Variants in SLC24A3 observed in about 807,000 individuals in gnomAD.
SLC24A3 encodes the protein solute carrier family 24 member 3, also known as sodium/potassium/calcium exchanger 3.
A neutral mutation model predicts 75.8 loss-of-function variants in SLC24A3; 28 were observed. The observed-to-expected ratio is 0.37, with a 90% CI of 0.27 to 0.51. SLC24A3 has a LOEUF of 0.51. SLC24A3 is among the 20% of genes least tolerant of loss of function. The pLI, the probability that SLC24A3 is intolerant of heterozygous loss-of-function variation, is 0.94. For synonymous variants in SLC24A3, 372 were observed against 334.1 expected (o/e 1.11, Z -1.24); for missense variants, 663 against 847.8 (o/e 0.78, Z 2.71).
intron 15 of SLC24A3, among the ~76,000 whole-genome samples, chr20:19,708,749 C>T (rs1005141614): frequency 4.6e-5 from 7 of 152,158 alleles, no homozygotes; most frequent in African/African-American, 1.2e-4. Context: ...TCTTAATGAA[C>T]GAGGCTTCTC....
chr20:19,497,178 GA>G (rs1304634683), intron 2 of SLC24A3, among the ~76,000 whole-genome samples: 1 of 152,244 alleles, frequency 6.6e-6, no homozygotes, highest in Non-Finnish European at 1.5e-5. Flanking sequence ...CAGGCAACAG[GA>G]GAATCTGAGT....
intron 3 of SLC24A3, among the ~76,000 whole-genome samples, chr20:19,519,082 C>T (rs1474702606): frequency 6.6e-6 from 1 of 152,114 alleles, no homozygotes; most frequent in African/African-American, 2.4e-5. Context: ...GTTCACTGCT[C>T]GTAGTCATGG....
intron 2 of SLC24A3, among the ~76,000 whole-genome samples, chr20:19,300,745 GTCTC>G (rs1055341733): frequency 6.6e-6 from 1 of 152,106 alleles, no homozygotes; most frequent in South Asian, 2.1e-4. Flanking sequence ...AAGGAGGGGT[GTCTC>G]TCTCTCATTC....
intron 2 of SLC24A3, among the ~76,000 whole-genome samples, chr20:19,425,624 G>C (rs1986993312): frequency 6.6e-6 from 1 of 152,096 alleles, no homozygotes; most frequent in African/African-American, 2.4e-5. Context: ...TGTCTCTACA[G>C]TTTTTCCATT....
At chr20:19,475,108 G>T (rs1987940178) in intron 2 of SLC24A3, among the ~76,000 whole-genome samples, 2 of 152,174 alleles carry the variant, frequency 1.3e-5, no homozygotes, top group Admixed American at 6.5e-5. Context: ...GGAGGCCGAG[G>T]TGGGAGGATC....
chr20:19,593,927 C>T (rs541718807), intron 6 of SLC24A3, among the ~76,000 whole-genome samples: 1 of 152,312 alleles, frequency 6.6e-6, no homozygotes, highest in Non-Finnish European at 1.5e-5. Flanking sequence ...TGCTGGACCC[C>T]GGCCATTCAC....
At chr20:19,324,295 GCCTT>G (rs1235005556) in intron 2 of SLC24A3, among the ~76,000 whole-genome samples, 1 of 152,148 alleles carries the variant, frequency 6.6e-6, no homozygotes, top group African/African-American at 2.4e-5. Context: ...CCAGAATCCT[GCCTT>G]CCTTGGTGCT....
At chr20:19,336,428 A>T (rs1985135925) in intron 2 of SLC24A3, among the ~76,000 whole-genome samples, 2 of 149,910 alleles carry the variant, frequency 1.3e-5, no homozygotes. Flanking sequence ...ACGGAGTCTC[A>T]CTCTGTCACC....
chr20:19,705,257 T>C (rs1275488916), intron 15 of SLC24A3, among the ~76,000 whole-genome samples: 1 of 152,152 alleles, frequency 6.6e-6, no homozygotes, highest in Admixed American at 6.5e-5. Context: ...TCCTGGGCCA[T>C]GGTAACTGAT....
At chr20:19,299,422 T>C (rs1349831181) in intron 2 of SLC24A3, among the ~76,000 whole-genome samples, 2 of 152,096 alleles carry the variant, frequency 1.3e-5, no homozygotes, top group Non-Finnish European at 2.9e-5. Flanking sequence ...TCATTCATCT[T>C]TTACTGCCTC....
chr20:19,592,517 T>G (rs1026059959), intron 6 of SLC24A3, among the ~76,000 whole-genome samples: 4 of 152,100 alleles, frequency 2.6e-5, no homozygotes, highest in African/African-American at 9.7e-5. Context: ...CACGGTGCAA[T>G]GGGGGAAAGA....
intron 3 of SLC24A3, among the ~76,000 whole-genome samples, chr20:19,533,167 C>T (rs1264252045): frequency 6.6e-6 from 1 of 152,208 alleles, no homozygotes; most frequent in Non-Finnish European, 1.5e-5. Context: ...CATGCACTTG[C>T]AGTCAGACAA....
intron 2 of SLC24A3, among the ~76,000 whole-genome samples, chr20:19,503,807 C>T (rs781421308): frequency 4.6e-5 from 7 of 152,138 alleles, no homozygotes; most frequent in Non-Finnish European, 4.4e-5. Flanking sequence ...AGATTAAAGA[C>T]GTCTCAATAA....
intron 2 of SLC24A3, among the ~76,000 whole-genome samples, chr20:19,394,093 CTA>C (rs1219550909): frequency 6.6e-6 from 1 of 152,154 alleles, no homozygotes; most frequent in African/African-American, 2.4e-5. Context: ...AGTTCCAAGA[CTA>C]TTCAATGGGG....
intron 1 of SLC24A3, among the ~76,000 whole-genome samples, chr20:19,271,690 C>T (rs565187494): frequency 6.6e-6 from 1 of 152,260 alleles, no homozygotes; most frequent in African/African-American, 2.4e-5. Flanking sequence ...TTTGCAGCAA[C>T]CTGGGTGGAG....
At chr20:19,435,107 G>A (rs2122458107) in intron 2 of SLC24A3, among the ~76,000 whole-genome samples, 1 of 152,296 alleles carries the variant, frequency 6.6e-6, no homozygotes, top group African/African-American at 2.4e-5. Context: ...TACAAATGCT[G>A]CCCTCTCTAT....
chr20:19,345,424 C>A (rs1488119499), intron 2 of SLC24A3, among the ~76,000 whole-genome samples: 1 of 152,042 alleles, frequency 6.6e-6, no homozygotes, highest in Non-Finnish European at 1.5e-5. Context: ...TATTGAAAGG[C>A]AAAAGGCCCA....
At chr20:19,476,656 T>A (rs983774825) in intron 2 of SLC24A3, among the ~76,000 whole-genome samples, 1 of 152,122 alleles carries the variant, frequency 6.6e-6, no homozygotes, top group Non-Finnish European at 1.5e-5. Flanking sequence ...ATACAACATA[T>A]TGTCGGAGAG....
At chr20:19,623,856 T>C (rs2031835224) in intron 6 of SLC24A3, among the ~76,000 whole-genome samples, 1 of 152,178 alleles carries the variant, frequency 6.6e-6, no homozygotes, top group African/African-American at 2.4e-5. Flanking sequence ...CACACCAGTA[T>C]GATACCAGGT....
Sources: allele counts gnomAD v4.1 joint callset (sites outside exome capture counted in the v4.1 genomes callset), GRCh38; gene constraint gnomAD v4.1.1; transcripts MANE v1.5; gene names NCBI Gene and HGNC (gene_info 2026-07-23, HGNC 2026-07-21).